Variants in SDK1 observed in about 807,000 individuals in gnomAD.
SDK1 encodes sidekick cell adhesion molecule 1.
Under a neutral mutation model 245.5 loss-of-function variants are expected in SDK1, and 157 were observed. The observed-to-expected ratio is 0.64, with a 90% CI of 0.56 to 0.73. The LOEUF (loss-of-function observed/expected upper bound fraction) is 0.73. SDK1 is among the 30% of genes least tolerant of loss of function. SDK1 has a pLI of 0.00. For synonymous variants in SDK1, 1,647 were observed against 1,278.5 expected, an observed-to-expected ratio of 1.29 and a Z score of -6.15; for missense variants, 3,583 against 3,002.3, an observed-to-expected ratio of 1.19 and a Z score of -4.52.
chr7:3,663,103 T>C (rs547994830), intron 4 of SDK1, among the ~76,000 whole-genome samples: 1 of 152,352 alleles, frequency 6.6e-6, no homozygotes, highest in East Asian at 1.9e-4. Context: ...ATTAGATTAT[T>C]TTGTTTCCAT....
chr7:3,591,323 T>G (rs1207512826), intron 1 of SDK1, among the ~76,000 whole-genome samples: 2 of 152,210 alleles, frequency 1.3e-5, no homozygotes, highest in Non-Finnish European at 2.9e-5. Flanking sequence ...TTTAAACTGC[T>G]CTGAGCCTGC....
chr7:3,970,227 A>G (rs888498427), intron 11 of SDK1, among the ~76,000 whole-genome samples: 5 of 152,220 alleles, frequency 3.3e-5, no homozygotes, highest in African/African-American at 7.2e-5. Flanking sequence ...TTGAGGGAGT[A>G]ATTTGTTGAA....
chr7:4,043,901 G>A (rs188690298), intron 17 of SDK1, among the ~76,000 whole-genome samples: 145 of 151,738 alleles, frequency 9.6e-4, no homozygotes, highest in African/African-American at 3.3e-3. Flanking sequence ...AAGAGAAAAC[G>A]TCACAACAAA....
chr7:3,687,339 GGA>G (rs1784316928), intron 4 of SDK1, among the ~76,000 whole-genome samples: 1 of 152,002 alleles, frequency 6.6e-6, no homozygotes, highest in African/African-American at 2.4e-5. Context: ...ATGTTGGCCA[GGA>G]TAGTCTCCAT....
At chr7:3,960,074 C>G (rs1781562970) in intron 8 of SDK1, among the ~76,000 whole-genome samples, 1 of 152,218 alleles carries the variant, frequency 6.6e-6, no homozygotes, top group South Asian at 2.1e-4. Flanking sequence ...CTCCTACTCC[C>G]TAAGAGCTCG....
intron 22 of SDK1, among the ~76,000 whole-genome samples, chr7:4,084,185 C>A (rs958964035): frequency 6.6e-6 from 1 of 152,212 alleles, no homozygotes; most frequent in Non-Finnish European, 1.5e-5. Flanking sequence ...ATGCTTAATT[C>A]TTTTCCCTTA....
intron 4 of SDK1, among the ~76,000 whole-genome samples, chr7:3,716,968 T>C (rs1331883020): frequency 6.6e-6 from 1 of 152,100 alleles, no homozygotes; most frequent in Admixed American, 6.5e-5. Flanking sequence ...TTCATGAGTT[T>C]CCTAAATTAT....
chr7:4,208,460 T>C (rs1234974232), intron 37 of SDK1, among the ~76,000 whole-genome samples, 175 bp downstream of exon 37: 1 of 152,258 alleles, frequency 6.6e-6, no homozygotes, highest in African/African-American at 2.4e-5. Context: ...TTGTTCTCCC[T>C]GTGCCTGGCC....
At position 4,183,836 on chromosome 7, in the gene SDK1, G is replaced by A. The variant is rs180890609; in HGVS notation, c.5098+5250G>A. Among the ~76,000 whole-genome samples, 29 of 152,116 alleles carry A rather than the reference G, an allele frequency of 1.9e-4. No homozygotes were observed. The East Asian group carries it at 5.0e-3, about 26-fold the overall frequency. ...AACTAAAAAGTAAATTCCTAGACAC[G>A]GCCCCTGCATCCAGGTCTCTGCTCC... On this transcript the variant is annotated intron_variant, in intron 35 of 44. Transcript: ENST00000404826.
chr7:3,546,805 C>T (rs1228653736), intron 1 of SDK1, among the ~76,000 whole-genome samples: 3 of 152,158 alleles, frequency 2.0e-5, no homozygotes, highest in Non-Finnish European at 4.4e-5. Flanking sequence ...TTTATCTTTT[C>T]TTGGACTCAA....
intron 4 of SDK1, among the ~76,000 whole-genome samples, chr7:3,698,701 C>T (rs1784648313): frequency 6.6e-6 from 1 of 152,162 alleles, no homozygotes; most frequent in Non-Finnish European, 1.5e-5. Context: ...GGGCTTTCTT[C>T]CTGGCTTGTA....
intron 4 of SDK1, among the ~76,000 whole-genome samples, chr7:3,668,722 C>G (rs530922584): frequency 6.6e-6 from 1 of 152,164 alleles, no homozygotes; most frequent in Admixed American, 6.5e-5. Flanking sequence ...ACCTGGGAGG[C>G]GGAGTTTGCA....
chr7:3,561,758 C>G (rs1184590320), intron 1 of SDK1, among the ~76,000 whole-genome samples: 2 of 152,194 alleles, frequency 1.3e-5, no homozygotes, highest in African/African-American at 2.4e-5. Context: ...CTCACGTTCC[C>G]TTCCAGAATA....
At chr7:3,678,857 G>T (rs1784002094) in intron 4 of SDK1, among the ~76,000 whole-genome samples, 1 of 152,086 alleles carries the variant, frequency 6.6e-6, no homozygotes, top group African/African-American at 2.4e-5. Context: ...AATGGTGCTG[G>T]AGCAATTGGG....
chr7:3,332,864 T>G (rs1030260279), intron 1 of SDK1, among the ~76,000 whole-genome samples: 4 of 152,218 alleles, frequency 2.6e-5, no homozygotes, highest in African/African-American at 9.7e-5. Context: ...TTATTATCAG[T>G]GCCTAAATAA....
chr7:3,959,075 T>A, intron 8 of SDK1, 61 bp downstream of exon 8: 3 of 1,257,892 alleles, frequency 2.4e-6, no homozygotes, highest in Non-Finnish European at 3.5e-6. Context: ...AACAACCTTT[T>A]TCCATAGCAG....
intron 4 of SDK1, among the ~76,000 whole-genome samples, chr7:3,801,445 C>G (rs1187576073): frequency 6.6e-6 from 1 of 152,184 alleles, no homozygotes; most frequent in Non-Finnish European, 1.5e-5. Flanking sequence ...TAACTGACCT[C>G]AGCTGTGCAT....
rs773384325 is a variant in SDK1 at position 4,113,374 on chromosome 7, G to T, written c.3520G>T (p.Asp1174Tyr). 4 of 1,613,838 alleles carry T rather than the reference G, an allele frequency of 2.5e-6. No homozygotes were observed. Among genetic ancestry groups the T allele is most frequent in the Non-Finnish European group, 3.4e-6 (4 of 1,180,016 alleles). Residue 1174 changes from aspartate (D) to tyrosine (Y), a missense_variant, in exon 24 of 45, where the codon GAC becomes TAC. Coordinates refer to ENST00000404826, the MANE Select transcript of SDK1 (RefSeq NM_152744.4). ...RVIQTLQAPPDVAPTSVTVRT... is the reference protein window; with the variant it reads ...RVIQTLQAPPYVAPTSVTVRT... Reference sequence around the variant, plus strand: ...CATCCAGACCCTGCAGGCCCCACCCGACGTGGCTCCAACCAGCGTCACGGT... The same window carrying T: ...CATCCAGACCCTGCAGGCCCCACCCTACGTGGCTCCAACCAGCGTCACGGT...
intron 1 of SDK1, among the ~76,000 whole-genome samples, chr7:3,493,661 A>G (rs1014318781): frequency 3.9e-5 from 6 of 152,252 alleles, no homozygotes; most frequent in Non-Finnish European, 8.8e-5. Context: ...GGCTTTTGCA[A>G]TGCTAGGCCT....
Sources: allele counts gnomAD v4.1 joint callset (sites outside exome capture counted in the v4.1 genomes callset), GRCh38; gene constraint gnomAD v4.1.1; transcripts MANE v1.5; gene names NCBI Gene and HGNC (gene_info 2026-07-23, HGNC 2026-07-21).